ARHGAP42: variants seen among roughly 807,000 people sequenced by gnomAD.
ARHGAP42 encodes Rho GTPase activating protein 42.
A neutral mutation model predicts 125.0 loss-of-function variants in ARHGAP42; 63 were observed. That is an observed-to-expected ratio of 0.50 (90% CI 0.41 to 0.62). The LOEUF is 0.62. Among genes scored for constraint, ARHGAP42 ranks in the 20% least tolerant of loss-of-function variants. The probability of loss-of-function intolerance (pLI) is 0.00; values close to 1 mark genes in which losing one functional copy is unlikely to be tolerated. For missense variants in ARHGAP42, 766 were observed against 1,024.2 expected, an observed-to-expected ratio of 0.75 and a Z score of 3.44; for synonymous variants, 339 against 351.0, an observed-to-expected ratio of 0.97 and a Z score of 0.38.
intron 3 of ARHGAP42, among the ~76,000 whole-genome samples, chr11:100,836,911 T>A (rs975003022): frequency 6.6e-6 from 1 of 152,022 alleles, no homozygotes; most frequent in Non-Finnish European, 1.5e-5. Flanking sequence ...TGGAGGTAAA[T>A]CATGTCATGA....
chr11:100,912,718 T>C (rs964032496), intron 4 of ARHGAP42, among the ~76,000 whole-genome samples: 3 of 152,126 alleles, frequency 2.0e-5, no homozygotes, highest in African/African-American at 7.2e-5. Context: ...TGCCATAAGA[T>C]AAAAGGTAAA....
intron 12 of ARHGAP42, among the ~76,000 whole-genome samples, chr11:100,955,817 T>C (rs1392637944): frequency 2.6e-5 from 4 of 152,132 alleles, no homozygotes; most frequent in Non-Finnish European, 5.9e-5. Flanking sequence ...TTTTTTGTTT[T>C]TTGTTTTGTT....
chr11:100,958,324 A>T (rs1857860573), intron 12 of ARHGAP42, among the ~76,000 whole-genome samples: 1 of 151,976 alleles, frequency 6.6e-6, no homozygotes, highest in Non-Finnish European at 1.5e-5. Context: ...CATTAGCTGC[A>T]CTCTGATGAG....
intron 17 of ARHGAP42, among the ~76,000 whole-genome samples, chr11:100,969,971 T>C (rs1215557928): frequency 6.6e-6 from 1 of 152,064 alleles, no homozygotes; most frequent in Admixed American, 6.6e-5. Context: ...CTTTTATTGT[T>C]GTTTGCTTGT....
chr11:100,932,858 C>T (rs765999548), intron 6 of ARHGAP42, among the ~76,000 whole-genome samples: 3 of 152,080 alleles, frequency 2.0e-5, no homozygotes, highest in Non-Finnish European at 2.9e-5. Flanking sequence ...ATACTTTAGT[C>T]GTTATCTTAG....
intron 1 of ARHGAP42, among the ~76,000 whole-genome samples, chr11:100,727,084 T>C (rs1591131243): frequency 6.6e-6 from 1 of 152,204 alleles, no homozygotes; most frequent in Non-Finnish European, 1.5e-5. Flanking sequence ...TGAAGAGCCA[T>C]AGATGAAAGA....
intron 4 of ARHGAP42, among the ~76,000 whole-genome samples, chr11:100,911,428 A>G (rs1191294276): frequency 6.6e-6 from 1 of 152,192 alleles, no homozygotes; most frequent in African/African-American, 2.4e-5. Context: ...GAGAGTTGAA[A>G]GAAGGGAATT....
chr11:100,974,697 C>G, intron 19 of ARHGAP42, 94 bp downstream of exon 19: 1 of 1,243,284 alleles, frequency 8.0e-7, no homozygotes, highest in Non-Finnish European at 1.1e-6. Flanking sequence ...AGAAGATGTT[C>G]TCACTGATGC....
At chr11:100,860,451 C>T (rs1865418889) in intron 4 of ARHGAP42, among the ~76,000 whole-genome samples, 1 of 152,054 alleles carries the variant, frequency 6.6e-6, no homozygotes, top group Non-Finnish European at 1.5e-5. Context: ...ATGAAACCTT[C>T]TGTGGTTCTG....
At chr11:100,767,216 A>T (rs1041955686) in intron 1 of ARHGAP42, among the ~76,000 whole-genome samples, 1 of 152,164 alleles carries the variant, frequency 6.6e-6, no homozygotes, top group African/African-American at 2.4e-5. Flanking sequence ...TATGTGTTTG[A>T]TGCTGTTCTA....
chr11:100,895,178 G>T (rs1199695473), intron 4 of ARHGAP42, among the ~76,000 whole-genome samples: 1 of 152,178 alleles, frequency 6.6e-6, no homozygotes, highest in African/African-American at 2.4e-5. Context: ...AAACGGAGAG[G>T]ACAGTTAGGA....
intron 3 of ARHGAP42, among the ~76,000 whole-genome samples, chr11:100,829,171 A>G (rs1282700287): frequency 2.0e-5 from 3 of 151,948 alleles, no homozygotes; most frequent in Non-Finnish European, 4.4e-5. Flanking sequence ...ACTTTCTGGC[A>G]TCAGGTTCAT....
chr11:100,753,168 G>C (rs959705764), intron 1 of ARHGAP42, among the ~76,000 whole-genome samples: 1 of 152,096 alleles, frequency 6.6e-6, no homozygotes, highest in Non-Finnish European at 1.5e-5. Context: ...TGGGGGTGAG[G>C]GGACTGGTTC....
chr11:100,875,536 G>A (rs1865800447), intron 4 of ARHGAP42, among the ~76,000 whole-genome samples: 1 of 152,148 alleles, frequency 6.6e-6, no homozygotes, highest in South Asian at 2.1e-4. Flanking sequence ...CTGGGGGGAG[G>A]GTTTGCAGTG....
intron 1 of ARHGAP42, among the ~76,000 whole-genome samples, chr11:100,714,351 T>C (rs1861616043): frequency 6.6e-6 from 1 of 151,998 alleles, no homozygotes; most frequent in South Asian, 2.1e-4. Flanking sequence ...TAACAGGGAA[T>C]TGAATTTTAG....
chr11:100,837,740 C>T (rs1427766052), intron 3 of ARHGAP42, among the ~76,000 whole-genome samples: 12 of 124,308 alleles, frequency 9.7e-5, no homozygotes, highest in Admixed American at 8.9e-4. Flanking sequence ...ATCAGGTGCA[C>T]GATGAGAATG....
rs374533080 is a variant in ARHGAP42, at chr11:100,936,288, C to T, written c.788C>T (p.Pro263Leu). The T allele has an allele frequency of 4.2e-5, 65 of 1,551,472 alleles. No homozygotes were observed. Among genetic ancestry groups the T allele is most frequent in the Non-Finnish European group, 5.5e-5 (63 of 1,146,932 alleles). ...MKSANQDYRP[P>L]SQWTMEGYLY... The stretch of plus-strand genomic sequence containing the variant: ...TCTGCTAACCAGGACTACAGACCAC[C>T]CAGCCAGTGGACGATGGAAGGCTAT... Residue 263 changes from proline (P) to leucine (L), a missense_variant, in exon 8 of 24, where the codon CCC (proline) becomes CTC (leucine). Physicochemically the swap from Pro to Leu is moderately conservative, Grantham distance 98. Around this residue, in one of 3 missense-constraint regions of ARHGAP42, gnomAD observed 455 missense variants for 636.5 expected, o/e 0.71. Transcript: ENST00000298815.
chr11:100,751,799 T>TTTTTTTC (rs1862466054), intron 1 of ARHGAP42, among the ~76,000 whole-genome samples: 1 of 134,374 alleles, frequency 7.4e-6, no homozygotes, highest in Non-Finnish European at 1.6e-5. Flanking sequence ...TTTTTTTTTT[T>TTTTTTTC]GACGGAATCT....
intron 3 of ARHGAP42, among the ~76,000 whole-genome samples, chr11:100,798,397 C>T (rs915908821): frequency 4.6e-5 from 7 of 152,158 alleles, no homozygotes; most frequent in African/African-American, 1.4e-4. Flanking sequence ...ACAGCCACTC[C>T]GGCCTTCAGC....
Sources: gnomAD v4.1 joint callset for allele counts (sites outside exome capture counted in the v4.1 genomes callset) on GRCh38, gnomAD v4.1.1 for gene constraint, gnomAD v4.1.1 regional missense constraint, MANE v1.5 for transcripts, NCBI Gene and HGNC (gene_info 2026-07-23, HGNC 2026-07-21) for gene names.